The following VWA3B variants were observed in gnomAD, a reference collection of about 807,000 sequenced individuals.
The protein encoded by VWA3B is von Willebrand factor A domain-containing protein 3B.
In VWA3B, 138 loss-of-function variants were observed where a neutral mutation model predicts 158.3. That is an observed-to-expected ratio of 0.87 (90% CI 0.76 to 1.00). The LOEUF (loss-of-function observed/expected upper bound fraction) is 1.00. Among genes scored for constraint, VWA3B ranks in the 50% least tolerant of loss-of-function variants. The probability of loss-of-function intolerance (pLI) is 0.00; values close to 1 mark genes in which losing one functional copy is unlikely to be tolerated. For synonymous variants in VWA3B, 596 were observed against 587.3 expected (o/e 1.01, Z -0.21); for missense variants, 1,555 against 1,565.1 (o/e 0.99, Z 0.11).
chr2:98,269,671 C>A (rs1688079158), intron 21 of VWA3B, among the ~76,000 whole-genome samples: 1 of 152,198 alleles, frequency 6.6e-6, no homozygotes, highest in Non-Finnish European at 1.5e-5. Flanking sequence ...TCTTACTCTC[C>A]TTCATGCAGC....
chr2:98,279,637 C>A lies in VWA3B; in HGVS notation c.3045+8754C>A, dbSNP rs1574266726. 2.6e-5 allele frequency among the ~76,000 whole-genome samples: 4 copies of A among 152,272 alleles called. 1 individual carries two copies. Among genetic ancestry groups the A allele is most frequent in the South Asian group, 2.1e-4 (1 of 4,832 alleles). On this transcript the variant is annotated intron_variant, in intron 22 of 27. Coordinates refer to ENST00000477737, the MANE Select transcript of VWA3B (RefSeq NM_144992.5). ...GCAGTCCGTGGGATATTGCAGGACC[C>A]CAGGACAAGCAATAGCAGGAAGCTG...
chr2:98,181,671 C>A (rs894512686), intron 9 of VWA3B, among the ~76,000 whole-genome samples: 1 of 152,200 alleles, frequency 6.6e-6, no homozygotes, highest in Admixed American at 6.5e-5. Context: ...GAGTCAGATC[C>A]TCCAAAGGGC....
rs567497988 is a variant in VWA3B, at chr2:98,103,541, A to T, written c.196+10253A>T. 1.1e-4 allele frequency among the ~76,000 whole-genome samples: 16 copies of T among 152,248 alleles called. No individual in the cohort carries two copies. In the South Asian group the frequency reaches 3.1e-3, roughly 30 times the overall value. On this transcript the variant is annotated intron_variant, in intron 2 of 27. Coordinates refer to ENST00000477737, the MANE Select transcript of VWA3B (RefSeq NM_144992.5). ...TGATTTTTTTTCTTGAATACACTTT[A>T]AAAAATGTGTTGTTTAATTTCCAGT...
intron 2 of VWA3B, among the ~76,000 whole-genome samples, chr2:98,095,441 A>G (rs535466025): frequency 1.2e-3 from 182 of 152,280 alleles, no homozygotes; most frequent in Non-Finnish European, 1.9e-3. Flanking sequence ...GTTAGCATGT[A>G]TATCACTGCT....
At chr2:98,117,748 C>CTTTT (rs35080840) in intron 3 of VWA3B, among the ~76,000 whole-genome samples, 4 of 119,470 alleles carry the variant, frequency 3.3e-5, no homozygotes, top group Non-Finnish European at 6.8e-5. Flanking sequence ...CTTAAATTAC[C>CTTTT]TTTTTTTTTT....
In VWA3B at chr2:98,098,555, T is replaced by A. The variant is rs192828961; in HGVS notation, c.196+5267T>A. Among the ~76,000 whole-genome samples the A allele has an allele frequency of 5.0e-3, 756 of 152,254 alleles. 4 individuals are homozygous for A. The highest frequency in any genetic ancestry group is 6.5e-3 in the Non-Finnish European group (443 of 67,966). On this transcript the variant is annotated intron_variant, in intron 2 of 27. Transcript: ENST00000477737. ...CCCCTGTTCTCCTTTGGTTTCTATT[T>A]GTAAGGAATATCTGGTTCTATCCTG...
intron 14 of VWA3B, among the ~76,000 whole-genome samples, chr2:98,222,100 G>T (rs1424460956): frequency 6.6e-6 from 1 of 152,052 alleles, no homozygotes; most frequent in Non-Finnish European, 1.5e-5. Context: ...CATAATGTCA[G>T]CAGGGCCCAG....
chr2:98,162,014 A>G (rs1402463433), intron 7 of VWA3B, among the ~76,000 whole-genome samples: 1 of 152,052 alleles, frequency 6.6e-6, no homozygotes, highest in Non-Finnish European at 1.5e-5. Context: ...CAGCCTGCCC[A>G]TCTATTCTTT....
At chr2:98,127,570 C>CTGTG (rs150384187) in intron 5 of VWA3B, among the ~76,000 whole-genome samples, 41 of 91,662 alleles carry the variant, frequency 4.5e-4, no homozygotes, top group African/African-American at 1.6e-3. Context: ...CTGGTTTAAG[C>CTGTG]TGTGTGTGTG....
intron 21 of VWA3B, among the ~76,000 whole-genome samples, chr2:98,267,439 A>G (rs1445784905): frequency 6.6e-6 from 1 of 152,136 alleles, no homozygotes; most frequent in Admixed American, 6.5e-5. Context: ...CCGAATGACT[A>G]CTGGGTACAT....
intron 14 of VWA3B, among the ~76,000 whole-genome samples, chr2:98,226,522 T>G (rs1455077242): frequency 6.6e-6 from 1 of 151,436 alleles, no homozygotes; most frequent in African/African-American, 2.4e-5. Context: ...AAAGGATTTT[T>G]AGTCTTGATT....
At chr2:98,248,945 T>C (rs2105794755) in intron 19 of VWA3B, among the ~76,000 whole-genome samples, 1 of 151,588 alleles carries the variant, frequency 6.6e-6, no homozygotes, top group Middle Eastern at 3.4e-3. Flanking sequence ...CTTTGTATTA[T>C]TTTCTTAAAC....
chr2:98,135,337 T>C (rs1444816710), intron 7 of VWA3B, among the ~76,000 whole-genome samples: 5 of 128,036 alleles, frequency 3.9e-5, no homozygotes, highest in Non-Finnish European at 8.3e-5. Context: ...TTTTTTTTTT[T>C]TTTTTTTTTT....
intron 21 of VWA3B, among the ~76,000 whole-genome samples, chr2:98,259,965 C>T (rs1687380863): frequency 6.6e-6 from 1 of 151,648 alleles, no homozygotes; most frequent in Admixed American, 6.6e-5. Context: ...TTTCTAATTT[C>T]TCTAGTAATT....
At chr2:98,296,403 T>A (rs1689802648) in intron 23 of VWA3B, among the ~76,000 whole-genome samples, 1 of 120,856 alleles carries the variant, frequency 8.3e-6, no homozygotes, top group African/African-American at 2.9e-5. Context: ...AAAGTCAGTT[T>A]ATGGTAGAAA....
chr2:98,123,654 G>A (rs141579448), intron 5 of VWA3B, among the ~76,000 whole-genome samples: 1,874 of 152,332 alleles, frequency 0.012, 19 homozygotes, highest in Non-Finnish European at 0.021. Flanking sequence ...GGCTCACTGG[G>A]AGGGCAGCAC....
chr2:98,127,369 A>G (rs1675446571), intron 5 of VWA3B, among the ~76,000 whole-genome samples: 2 of 152,152 alleles, frequency 1.3e-5, no homozygotes, highest in African/African-American at 4.8e-5. Flanking sequence ...CTGAGGTGAC[A>G]GAGCTCCTGG....
chr2:98,187,943 T>G, intron 9 of VWA3B, 32 bp from the exon 10 acceptor site: 1 of 1,563,898 alleles, frequency 6.4e-7, no homozygotes, highest in Non-Finnish European at 8.7e-7. Context: ...GGACAGTTTC[T>G]GAGTGGCTTC....
chr2:98,276,029 A>G (rs1031420338), intron 22 of VWA3B, among the ~76,000 whole-genome samples: 3 of 152,162 alleles, frequency 2.0e-5, no homozygotes, highest in African/African-American at 7.2e-5. Context: ...AGGGGCTAAG[A>G]CTGTCCCCTC....
Sources: allele counts gnomAD v4.1 joint callset (sites outside exome capture counted in the v4.1 genomes callset), GRCh38; gene constraint gnomAD v4.1.1; transcripts MANE v1.5; gene names NCBI Gene and HGNC (gene_info 2026-07-23, HGNC 2026-07-21).